The following PTPN4 variants were observed in gnomAD, a reference collection of about 807,000 sequenced individuals.
The protein encoded by PTPN4 is tyrosine-protein phosphatase non-receptor type 4.
A neutral mutation model predicts 135.5 loss-of-function variants in PTPN4; 49 were observed. The ratio of observed to expected loss-of-function variants is 0.36; its 90% CI spans 0.29 to 0.46. The LOEUF (loss-of-function observed/expected upper bound fraction) is 0.46, where lower values mean the gene tolerates loss of function less well. PTPN4 is among the 20% of genes least tolerant of loss of function. PTPN4 has a pLI of 1.00. For synonymous variants in PTPN4, 333 were observed against 369.9 expected (o/e 0.90, Z 1.14); for missense variants, 860 against 1,101.0 (o/e 0.78, Z 3.10).
chr2:119,770,776 T>C (rs1426682354), intron 1 of PTPN4, among the ~76,000 whole-genome samples: 1 of 152,198 alleles, frequency 6.6e-6, no homozygotes, highest in Admixed American at 6.5e-5. Flanking sequence ...CCCTTTTACT[T>C]GTGTAACCCA....
intron 1 of PTPN4, among the ~76,000 whole-genome samples, chr2:119,767,461 C>T (rs113985467): frequency 3.3e-5 from 5 of 152,286 alleles, no homozygotes; most frequent in African/African-American, 9.6e-5. Flanking sequence ...AGGAAATCAA[C>T]GTTGATATAA....
intron 25 of PTPN4, 100 bp downstream of exon 25, chr2:119,965,745 A>G (rs1467742253): frequency 4.4e-6 from 6 of 1,365,856 alleles, no homozygotes; most frequent in Non-Finnish European, 5.0e-6. Flanking sequence ...TGTCACTGTA[A>G]TAATTAGAAC....
intron 3 of PTPN4, 47 bp downstream of exon 3, chr2:119,862,690 A>T: frequency 6.7e-7 from 1 of 1,485,604 alleles, no homozygotes; most frequent in Non-Finnish European, 9.3e-7. Flanking sequence ...TTTTCCTCTC[A>T]GTTTAGTGTA....
At chr2:119,791,799 G>T (rs1200524963) in intron 1 of PTPN4, among the ~76,000 whole-genome samples, 12 of 152,176 alleles carry the variant, frequency 7.9e-5, no homozygotes, top group Admixed American at 7.9e-4. Flanking sequence ...AGGTCATTAA[G>T]TTTCTTGGAT....
chr2:119,775,265 C>T (rs541800843), intron 1 of PTPN4, among the ~76,000 whole-genome samples: 164 of 152,174 alleles, frequency 1.1e-3, no homozygotes, highest in Middle Eastern at 3.4e-3. Flanking sequence ...CTGCTAACCC[C>T]CGAGCCTTGA....
chr2:119,955,398 A>C, intron 20 of PTPN4, 75 bp downstream of exon 20: 1 of 1,167,536 alleles, frequency 8.6e-7, no homozygotes, highest in Non-Finnish European at 1.1e-6. Context: ...TTAAGTGCCT[A>C]ATCTGTGCAT....
chr2:119,853,392 T>G (rs1427519048), intron 2 of PTPN4, among the ~76,000 whole-genome samples: 1 of 152,174 alleles, frequency 6.6e-6, no homozygotes, highest in Non-Finnish European at 1.5e-5. Flanking sequence ...TGGCATTTTC[T>G]AGAATTTCAT....
At chr2:119,971,523 C>T (rs192223528) in intron 26 of PTPN4, among the ~76,000 whole-genome samples, 18 of 152,158 alleles carry the variant, frequency 1.2e-4, no homozygotes, top group Admixed American at 5.9e-4. Context: ...TGAATTTGGC[C>T]GCCATTTTAT....
At chr2:119,926,046 C>G (rs1678819305) in intron 12 of PTPN4, among the ~76,000 whole-genome samples, 1 of 152,132 alleles carries the variant, frequency 6.6e-6, no homozygotes, top group Non-Finnish European at 1.5e-5. Flanking sequence ...AAATTGCTTG[C>G]TTAACTATGG....
intron 2 of PTPN4, among the ~76,000 whole-genome samples, chr2:119,847,444 C>T (rs991334836): frequency 2.6e-5 from 4 of 151,552 alleles, no homozygotes; most frequent in African/African-American, 9.7e-5. Context: ...TTTCCTGCCT[C>T]AGCCTCCTGA....
chr2:119,888,974 G>A (rs1235444203), intron 9 of PTPN4, among the ~76,000 whole-genome samples: 1 of 152,078 alleles, frequency 6.6e-6, no homozygotes, highest in Non-Finnish European at 1.5e-5. Flanking sequence ...TTTCTGTGTT[G>A]GGAGACTTTC....
rs574349048 is a variant in PTPN4 at position 119,885,216 on chromosome 2, A to G, written c.588-579A>G. Reference sequence around the variant, plus strand: ...ATAATAAAAATTAATTACTAGAAAAATAAAGTGGAGAAAGAAAACAAAGAC... The same window carrying G: ...ATAATAAAAATTAATTACTAGAAAAGTAAAGTGGAGAAAGAAAACAAAGAC... On this transcript the variant is annotated intron_variant, in intron 8 of 26. Coordinates refer to ENST00000263708, the MANE Select transcript of PTPN4 (RefSeq NM_002830.4). Among the ~76,000 whole-genome samples the G allele has an allele frequency of 3.6e-3, 553 of 152,324 alleles. 3 individuals carry two copies. The highest frequency in any genetic ancestry group is 0.013 in the African/African-American group (531 of 41,580).
chr2:119,979,257 A>T lies in PTPN4; in HGVS notation c.*2187A>T, dbSNP rs1679659317. The T allele has an allele frequency of 6.6e-6, 1 of 152,146 alleles. No individual in the cohort carries two copies. The highest frequency in any genetic ancestry group is 1.5e-5 in the Non-Finnish European group (1 of 67,982). The allele number at this position is 152,146 out of a possible 1,614,324, so 9.4% of individuals were successfully genotyped here. The stretch of plus-strand genomic sequence containing the variant: ...GAATATGACAACCATAGACCAAAAG[A>T]TATCATTGTATAGATGTAAAGAGAC... On this transcript the variant is annotated 3_prime_UTR_variant, in exon 27 of 27. Transcript: ENST00000263708.
At chr2:119,954,370 A>G (rs1293653554) in intron 19 of PTPN4, among the ~76,000 whole-genome samples, 1 of 151,716 alleles carries the variant, frequency 6.6e-6, no homozygotes, top group Non-Finnish European at 1.5e-5. Context: ...TTTCTATACC[A>G]CTTTTTTTCA....
At chr2:119,918,805 C>G (rs937969336) in intron 11 of PTPN4, among the ~76,000 whole-genome samples, 1 of 152,202 alleles carries the variant, frequency 6.6e-6, no homozygotes, top group Non-Finnish European at 1.5e-5. Flanking sequence ...CTGCATTCTT[C>G]TTATATCCCC....
Position 119,962,746 on chromosome 2 carries a change from TA to T in PTPN4, c.2409+4del. ...AAGATGACCCTATTTAACCAAGAGG[TA>T]AGAAGGCAGGATATCTGTTCATTAG... is the stretch of plus-strand genomic sequence containing the variant. On this transcript the variant is annotated splice_donor_region_variant and intron_variant, in intron 24 of 26. Transcript: ENST00000263708. The T allele has an allele frequency of 1.3e-6, 2 of 1,571,074 alleles. No individual in the cohort carries two copies. The highest frequency in any genetic ancestry group is 1.4e-5 in the African/African-American group (1 of 74,008).
At chr2:119,806,847 A>G (rs1447765473) in intron 1 of PTPN4, among the ~76,000 whole-genome samples, 1 of 152,198 alleles carries the variant, frequency 6.6e-6, no homozygotes, top group African/African-American at 2.4e-5. Context: ...TCCTCAGCAA[A>G]TGTAAAAGAA....
At chr2:119,934,672 A>G (rs1678955230) in intron 14 of PTPN4, 128 bp from the exon 15 acceptor site, 1 of 861,610 alleles carries the variant, frequency 1.2e-6, no homozygotes, top group East Asian at 2.6e-5. Context: ...TCTTTTTCAG[A>G]GATTGCTTAG....
intron 8 of PTPN4, among the ~76,000 whole-genome samples, chr2:119,883,494 G>T (rs962816250): frequency 3.3e-5 from 5 of 152,030 alleles, no homozygotes; most frequent in African/African-American, 1.2e-4. Flanking sequence ...TTTCAAAAGA[G>T]ATTTGTTGCC....
Sources: gnomAD v4.1 joint callset for allele counts (sites outside exome capture counted in the v4.1 genomes callset) on GRCh38, gnomAD v4.1.1 for gene constraint, MANE v1.5 for transcripts, NCBI Gene and HGNC (gene_info 2026-07-23, HGNC 2026-07-21) for gene names.